The following MYO5A variants were observed in gnomAD, a reference collection of about 807,000 sequenced individuals.
MYO5A encodes myosin VA, also known as unconventional myosin-Va.
A neutral mutation model predicts 249.7 loss-of-function variants in MYO5A; 98 were observed. The observed-to-expected ratio is 0.39, with a 90% confidence interval of 0.33 to 0.46. The LOEUF is 0.46. MYO5A is among the 20% of genes least tolerant of loss of function. MYO5A has a pLI of 0.98. For synonymous variants in MYO5A, 778 were observed against 810.6 expected, an observed-to-expected ratio of 0.96 and a Z score of 0.68; for missense variants, 1,696 against 2,308.8, an observed-to-expected ratio of 0.73 and a Z score of 5.44.
At chr15:52,474,521 G>C (rs1448320517) in intron 1 of MYO5A, among the ~76,000 whole-genome samples, 2 of 152,112 alleles carry the variant, frequency 1.3e-5, no homozygotes, top group Non-Finnish European at 2.9e-5. Flanking sequence ...TATTGGCTGT[G>C]GGACTGTCAT....
Position 52,336,443 on chromosome 15 carries a change from T to C in MYO5A, c.4408+20A>G. ...TCAAACCAAGACTCAGTGACCGTCT[T>C]GAAAAAAAGGTTTAAATACCTTCTA... On this transcript the variant is annotated intron_variant, in intron 34 of 41. Coordinates refer to ENST00000399233, the MANE Select transcript of MYO5A (RefSeq NM_001382347.1). 1 of 1,524,990 alleles carries C rather than the reference T, an allele frequency of 6.6e-7. No individual in the cohort carries two copies. Among genetic ancestry groups the C allele is most frequent in the Non-Finnish European group, 9.0e-7 (1 of 1,108,166 alleles). The allele number at this position is 1,524,990 out of a possible 1,614,324, so 94.5% of individuals were successfully genotyped here. A position where few individuals can be genotyped will look rare whatever the true frequency, so the allele number is the denominator to read the frequency against.
At chr15:52,391,036 C>G (rs540220177) in intron 12 of MYO5A, among the ~76,000 whole-genome samples, 1 of 151,942 alleles carries the variant, frequency 6.6e-6, no homozygotes, top group African/African-American at 2.4e-5. Context: ...ATGTATATAC[C>G]TTGGATACTT....
chr15:52,460,669 G>A (rs2076230785), intron 1 of MYO5A, among the ~76,000 whole-genome samples: 1 of 152,132 alleles, frequency 6.6e-6, no homozygotes, highest in Non-Finnish European at 1.5e-5. Flanking sequence ...GAGGGCGAGG[G>A]CGAGGGCGAG....
In MYO5A at chr15:52,311,360, T is replaced by C. The variant is rs575794096; in HGVS notation, c.*2336A>G. On this transcript the variant is annotated 3_prime_UTR_variant, in exon 42 of 42. Transcript: ENST00000399233. The stretch of plus-strand genomic sequence containing the variant: ...ACTCCCCAACTTACAGCCTATCGGA[T>C]GCTGTTAGATTCTGACACATTTGGT... 6.6e-6 allele frequency: 1 copy of C among 152,314 alleles called. No homozygotes were observed. Among genetic ancestry groups the C allele is most frequent in the East Asian group, 1.9e-4 (1 of 5,176 alleles). The allele number at this position is 152,314 out of a possible 1,614,324, so 9.4% of individuals were successfully genotyped here. A position where few individuals can be genotyped will look rare whatever the true frequency, so the allele number is the denominator to read the frequency against.
chr15:52,408,040 T>C lies in MYO5A; in HGVS notation c.838+19A>G. On this transcript the variant is annotated intron_variant, in intron 7 of 41. Coordinates refer to ENST00000399233, the MANE Select transcript of MYO5A (RefSeq NM_001382347.1). ...CAGAAAACAATACCAGAACAATAAA[T>C]TTAATGCCATATTCATACCTAATCG... 1 of 1,478,932 alleles carries C rather than the reference T, an allele frequency of 6.8e-7. No individual in the cohort carries two copies. Among genetic ancestry groups the C allele is most frequent in the Non-Finnish European group, 9.4e-7 (1 of 1,058,910 alleles). The allele number at this position is 1,478,932 out of a possible 1,614,324, so 91.6% of individuals were successfully genotyped here. A position where few individuals can be genotyped will look rare whatever the true frequency, so the allele number is the denominator to read the frequency against.
intron 35 of MYO5A, among the ~76,000 whole-genome samples, chr15:52,328,238 T>G (rs1469633667): frequency 6.6e-6 from 1 of 152,166 alleles, no homozygotes; most frequent in Non-Finnish European, 1.5e-5. Context: ...TTCCCTTGAA[T>G]TCCAGTCTCA....
At chr15:52,315,460 T>C (rs2037955892) in intron 40 of MYO5A, among the ~76,000 whole-genome samples, 2 of 152,194 alleles carry the variant, frequency 1.3e-5, no homozygotes, top group African/African-American at 2.4e-5. Flanking sequence ...CTGCCACTTC[T>C]GCCTCCCAGG....
intron 36 of MYO5A, among the ~76,000 whole-genome samples, chr15:52,324,067 A>G (rs1241928424): frequency 6.8e-6 from 1 of 147,950 alleles, no homozygotes; most frequent in African/African-American, 2.5e-5. Flanking sequence ...GCCCAAATTC[A>G]TGTCCCCCGT....
Position 52,321,395 on chromosome 15 carries a change from C to A in MYO5A, c.4915G>T (p.Val1639Leu), listed in dbSNP as rs775270803. 2 of 1,614,184 alleles carry A rather than the reference C, an allele frequency of 1.2e-6. No homozygotes were observed. Among genetic ancestry groups the A allele is most frequent in the Non-Finnish European group, 8.5e-7 (1 of 1,180,034 alleles). Residue 1639 changes from valine to leucine, a missense_variant, in exon 38 of 42, where the codon GTG becomes TTG. This residue lies in a region of MYO5A where 625 missense variants were observed against 908.1 expected (regional missense o/e 0.69). Transcript: ENST00000399233. ...DLAIQIYQQL[V>L]RVLENILQPM... ...TGAAGGATGTTCTCTAACACCCGCA[C>A]GAGCTGCTGGTAGATCTGAATGGCC...
chr15:52,342,307 C>T (rs1349500482), intron 31 of MYO5A, among the ~76,000 whole-genome samples: 5 of 151,904 alleles, frequency 3.3e-5, no homozygotes, highest in Non-Finnish European at 5.9e-5. Flanking sequence ...TGAATTAAGC[C>T]GTGATCATGC....
intron 37 of MYO5A, among the ~76,000 whole-genome samples, chr15:52,322,721 TAG>T (rs1421284139): frequency 4.0e-5 from 6 of 151,756 alleles, no homozygotes; most frequent in Non-Finnish European, 8.8e-5. Context: ...ACAAAAACAA[TAG>T]AGTTTTTTTG....
intron 29 of MYO5A, 89 bp downstream of exon 29, chr15:52,348,729 G>T: frequency 1.9e-6 from 2 of 1,068,538 alleles, no homozygotes; most frequent in Non-Finnish European, 2.7e-6. Flanking sequence ...TGGTCAGAAA[G>T]CATCAATTGC....
At chr15:52,444,198 G>A (rs566524587) in intron 1 of MYO5A, among the ~76,000 whole-genome samples, 36 of 152,196 alleles carry the variant, frequency 2.4e-4, no homozygotes, top group East Asian at 7.7e-4. Context: ...TTTAACATTC[G>A]TGTAAAGATT....
intron 9 of MYO5A, among the ~76,000 whole-genome samples, chr15:52,397,940 G>A (rs555032632): frequency 2.1e-4 from 32 of 152,292 alleles, no homozygotes; most frequent in Admixed American, 1.8e-3. Flanking sequence ...GTCCATGTGA[G>A]AGGAATATGT....
intron 5 of MYO5A, among the ~76,000 whole-genome samples, chr15:52,415,077 G>A (rs1301848670): frequency 6.6e-6 from 1 of 152,144 alleles, no homozygotes; most frequent in Non-Finnish European, 1.5e-5. Flanking sequence ...ATTCTGTTCT[G>A]AAGTGTCACA....
At chr15:52,448,754 T>C (rs2075948761) in intron 1 of MYO5A, among the ~76,000 whole-genome samples, 1 of 151,928 alleles carries the variant, frequency 6.6e-6, no homozygotes, top group Non-Finnish European at 1.5e-5. Context: ...TAAAAGTGTG[T>C]AGCAACACCT....
At chr15:52,364,803 C>T (rs2040732439) in intron 23 of MYO5A, 101 bp from the exon 24 acceptor site, 1 of 1,365,314 alleles carries the variant, frequency 7.3e-7, no homozygotes, top group Admixed American at 1.8e-5. Context: ...GGCAATTTTA[C>T]TTTTAGTATC....
intron 1 of MYO5A, among the ~76,000 whole-genome samples, chr15:52,450,291 G>T (rs190902811): frequency 1.0e-3 from 156 of 152,030 alleles, no homozygotes; most frequent in African/African-American, 3.7e-3. Flanking sequence ...TTATATATGT[G>T]AAGTACTCAG....
chr15:52,408,246 A>T, intron 6 of MYO5A, 106 bp from the exon 7 acceptor site: 1 of 695,890 alleles, frequency 1.4e-6, no homozygotes, highest in East Asian at 2.8e-5. Flanking sequence ...TGGTTAAATA[A>T]ATTATACTTT....
Sources: gnomAD v4.1 joint callset for allele counts (sites outside exome capture counted in the v4.1 genomes callset) on GRCh38, gnomAD v4.1.1 for gene constraint, gnomAD v4.1.1 regional missense constraint, MANE v1.5 for transcripts, NCBI Gene and HGNC (gene_info 2026-07-23, HGNC 2026-07-21) for gene names.